SCN8A: variants seen among roughly 807,000 people sequenced by gnomAD.
SCN8A encodes the protein sodium voltage-gated channel alpha subunit 8, also known as sodium channel protein type 8 subunit alpha.
SCN8A carries 30 observed loss-of-function variants against 184.1 expected under a neutral mutation model. That is an observed-to-expected ratio of 0.16 (90% CI 0.12 to 0.22). The LOEUF is 0.22. SCN8A is among the 10% of genes least tolerant of loss of function. The pLI, the probability that SCN8A is intolerant of heterozygous loss-of-function variation, is 1.00. For missense variants in SCN8A, 1,057 were observed against 2,498.9 expected (o/e 0.42, Z 12.30); for synonymous variants, 852 against 907.0 (o/e 0.94, Z 1.09).
intron 12 of SCN8A, among the ~76,000 whole-genome samples, chr12:51,732,979 A>G (rs758211228): frequency 1.3e-5 from 2 of 152,196 alleles, no homozygotes; most frequent in Non-Finnish European, 2.9e-5. Flanking sequence ...TTTTCTCAGT[A>G]TAAAATCATA....
chr12:51,640,240 T>G (rs1940422298), intron 1 of SCN8A, among the ~76,000 whole-genome samples: 1 of 128,568 alleles, frequency 7.8e-6, no homozygotes, highest in South Asian at 2.8e-4. Flanking sequence ...TTTTTTTTTT[T>G]TTTTTTTTTT....
chr12:51,654,123 T>G (rs2138657601), intron 1 of SCN8A, among the ~76,000 whole-genome samples: 1 of 152,330 alleles, frequency 6.6e-6, no homozygotes, highest in Middle Eastern at 3.4e-3. Context: ...TGCAAATATT[T>G]TCTCTCATTC....
chr12:51,699,229 G>A (rs1941643396), intron 6 of SCN8A, among the ~76,000 whole-genome samples: 1 of 152,182 alleles, frequency 6.6e-6, no homozygotes, highest in Admixed American at 6.5e-5. Context: ...CCAGGCAGAG[G>A]GAACAGCAGG....
chr12:51,624,735 T>TA (rs1940039310), intron 1 of SCN8A, among the ~76,000 whole-genome samples: 1 of 152,248 alleles, frequency 6.6e-6, no homozygotes. Context: ...TTAGGGTTTT[T>TA]ATGGTTTTAG....
chr12:51,716,926 C>T (rs1941974559), intron 11 of SCN8A, among the ~76,000 whole-genome samples: 1 of 152,200 alleles, frequency 6.6e-6, no homozygotes, highest in Admixed American at 6.5e-5. Context: ...CCCTAAATCA[C>T]CCCATAGCCA....
intron 21 of SCN8A, among the ~76,000 whole-genome samples, chr12:51,782,160 G>C (rs1220368342): frequency 6.6e-6 from 1 of 152,234 alleles, no homozygotes; most frequent in Admixed American, 6.5e-5. Flanking sequence ...TCTGCAGGAA[G>C]GGCAGTTCCA....
chr12:51,745,599 A>G (rs997213791), intron 12 of SCN8A, among the ~76,000 whole-genome samples: 8 of 152,242 alleles, frequency 5.3e-5, no homozygotes, highest in Non-Finnish European at 1.0e-4. Flanking sequence ...ACAGTACCCC[A>G]GGAGGATCTG....
chr12:51,670,846 A>G (rs1345325465), intron 2 of SCN8A, among the ~76,000 whole-genome samples: 1 of 152,172 alleles, frequency 6.6e-6, no homozygotes, highest in Non-Finnish European at 1.5e-5. Context: ...ACAATTTGAT[A>G]AATTGTTACT....
At chr12:51,638,399 T>G (rs1369367539) in intron 1 of SCN8A, among the ~76,000 whole-genome samples, 2 of 152,212 alleles carry the variant, frequency 1.3e-5, no homozygotes, top group Non-Finnish European at 2.9e-5. Context: ...CTGGAAAAGA[T>G]TCATCATTCT....
At chr12:51,709,468 A>G (rs1329897086) in intron 11 of SCN8A, among the ~76,000 whole-genome samples, 2 of 152,240 alleles carry the variant, frequency 1.3e-5, no homozygotes, top group African/African-American at 4.8e-5. Context: ...CAGTGAAGTC[A>G]GGAGAGTAGC....
At chr12:51,615,683 C>T (rs1565860281) in intron 1 of SCN8A, among the ~76,000 whole-genome samples, 1 of 151,658 alleles carries the variant, frequency 6.6e-6, no homozygotes, top group Non-Finnish European at 1.5e-5. Flanking sequence ...ATAATTTGTG[C>T]TTTTCAACCA....
intron 12 of SCN8A, among the ~76,000 whole-genome samples, chr12:51,743,427 A>G (rs745798998): frequency 1.3e-5 from 2 of 152,226 alleles, no homozygotes; most frequent in Non-Finnish European, 2.9e-5. Context: ...GCAGATTCAT[A>G]GAAATACCAC....
chr12:51,769,745 G>C (rs572563125), intron 17 of SCN8A, 123 bp from the exon 18 acceptor site: 2 of 702,690 alleles, frequency 2.8e-6, no homozygotes, highest in South Asian at 1.6e-5. Context: ...ATCGCGAGTT[G>C]TAGTAAGAAT....
chr12:51,597,194 G>A (rs1939366756), intron 1 of SCN8A, among the ~76,000 whole-genome samples: 1 of 152,150 alleles, frequency 6.6e-6, no homozygotes, highest in Admixed American at 6.5e-5. Flanking sequence ...GATCCTGGAA[G>A]GAGTTGATTG....
Position 51,769,315 on chromosome 12 carries a change from G to T in SCN8A, c.3352G>T (p.Asp1118Tyr), listed in dbSNP as rs1359740960. 6.3e-7 allele frequency: 1 copy of T among 1,591,852 alleles called. No individual in the cohort carries two copies. The highest frequency in any genetic ancestry group is 1.7e-5 in the Admixed American group (1 of 59,326). The change falls in exon 17 of 27, where the codon GAT becomes TAT. Residue 1118 changes from aspartate (D) to tyrosine (Y), a missense_variant. Around this residue, in one of 19 missense-constraint regions of SCN8A, gnomAD observed 178 missense variants for 259.6 expected, o/e 0.69. Transcript: ENST00000627620. ...LNTEDVSSES[D>Y]PEGSKDKLDD... is the part of the protein sequence containing the mutation. The stretch of plus-strand genomic sequence containing the variant: ...CACAGAGGATGTTAGCAGCGAGTCG[G>T]ATCCTGAAGGCAGCAAAGATGTAAG...
chr12:51,741,883 T>C (rs771790166), intron 12 of SCN8A, among the ~76,000 whole-genome samples: 18 of 152,060 alleles, frequency 1.2e-4, no homozygotes, highest in South Asian at 2.1e-4. Context: ...TTTGTATTTT[T>C]AGTAGAGACG....
At chr12:51,786,487 A>C (rs1938088655) in intron 21 of SCN8A, 55 bp from the exon 22 acceptor site, 2 of 1,592,604 alleles carry the variant, frequency 1.3e-6, no homozygotes, top group Non-Finnish European at 1.7e-6. Context: ...GAAATCAAAA[A>C]ATGTGCTTGC....
intron 15 of SCN8A, among the ~76,000 whole-genome samples, chr12:51,763,850 A>ATTC (rs1942798407): frequency 6.6e-6 from 1 of 152,216 alleles, no homozygotes; most frequent in Non-Finnish European, 1.5e-5. Context: ...GGCAACTGAA[A>ATTC]AGGTTTAAAG....
intron 1 of SCN8A, among the ~76,000 whole-genome samples, chr12:51,606,478 T>C (rs1271722714): frequency 6.6e-6 from 1 of 152,234 alleles, no homozygotes; most frequent in African/African-American, 2.4e-5. Flanking sequence ...CCACACTGTT[T>C]TGGTGACTAT....
Sources: allele counts gnomAD v4.1 joint callset (sites outside exome capture counted in the v4.1 genomes callset), GRCh38; gene constraint gnomAD v4.1.1; regional missense constraint gnomAD v4.1.1; transcripts MANE v1.5; gene names NCBI Gene and HGNC (gene_info 2026-07-23, HGNC 2026-07-21).